Variants in ARID4B observed in about 807,000 individuals in gnomAD.
The protein encoded by ARID4B is AT-rich interactive domain-containing protein 4B.
ARID4B carries 26 observed loss-of-function variants against 147.5 expected under a neutral mutation model. That is an observed-to-expected ratio of 0.18 (90% CI 0.13 to 0.24). The LOEUF (loss-of-function observed/expected upper bound fraction) is 0.24. ARID4B is among the 10% of genes least tolerant of loss of function. ARID4B has a pLI of 1.00. For missense variants in ARID4B, 1,179 were observed against 1,511.5 expected (o/e 0.78, Z 3.65); for synonymous variants, 512 against 507.9 (o/e 1.01, Z -0.11).
intron 2 of ARID4B, among the ~76,000 whole-genome samples, chr1:235,283,389 A>C (rs1201415789): frequency 6.6e-6 from 1 of 152,230 alleles, no homozygotes; most frequent in Non-Finnish European, 1.5e-5. Context: ...TAAAATGTTG[A>C]AAAAAGATGA....
chr1:235,224,966 G>A (rs1667730482), intron 11 of ARID4B, among the ~76,000 whole-genome samples, 191 bp from the exon 12 acceptor site: 1 of 152,136 alleles, frequency 6.6e-6, no homozygotes, highest in Non-Finnish European at 1.5e-5. Flanking sequence ...TTTTATAGAG[G>A]AATATGCCTT....
chr1:235,220,028 G>T, intron 15 of ARID4B, 60 bp from the exon 16 acceptor site: 1 of 1,161,436 alleles, frequency 8.6e-7, no homozygotes, highest in Non-Finnish European at 1.2e-6. Context: ...CTATATCCAT[G>T]GTTTATCTCT....
At chr1:235,246,985 T>C (rs114118790) in intron 6 of ARID4B, among the ~76,000 whole-genome samples, 1,565 of 152,316 alleles carry the variant, frequency 0.01, 25 homozygotes, top group African/African-American at 0.033. Flanking sequence ...ACAAAAAGCC[T>C]CGGAGTAAGT....
rs1488989815 is a variant in ARID4B, at chr1:235,246,590, G to A, written c.355-79C>T. On this transcript the variant is annotated intron_variant, in intron 6 of 23. Transcript: ENST00000264183. ...TTTGTTTTAAACCAAATCAATTTAAGAATATGCTCAGATTTTGAGATTAAA... is the reference window on the plus strand; with the variant it reads ...TTTGTTTTAAACCAAATCAATTTAAAAATATGCTCAGATTTTGAGATTAAA... 5.1e-6 allele frequency: 5 copies of A among 976,456 alleles called. No homozygotes were observed. The South Asian group carries it at 7.7e-5, about 15-fold the overall frequency. The allele number at this position is 976,456 out of a possible 1,614,324, so 60.5% of individuals were successfully genotyped here. A position where few individuals can be genotyped will look rare whatever the true frequency, so the allele number is the denominator to read the frequency against.
At chr1:235,169,355 C>G (rs964949551) in intron 23 of ARID4B, among the ~76,000 whole-genome samples, 1 of 151,774 alleles carries the variant, frequency 6.6e-6, no homozygotes, top group African/African-American at 2.4e-5. Context: ...ATTCTCCTGC[C>G]TCAGCCCCCC....
chr1:235,189,348 C>T (rs1378543550), intron 19 of ARID4B, among the ~76,000 whole-genome samples: 3 of 141,284 alleles, frequency 2.1e-5, no homozygotes, highest in African/African-American at 8.0e-5. Context: ...TGCAGTGAGC[C>T]GAGATCATGC....
chr1:235,241,804 C>A (rs540772969), intron 7 of ARID4B, among the ~76,000 whole-genome samples: 1 of 149,004 alleles, frequency 6.7e-6, no homozygotes, highest in African/African-American at 2.5e-5. Flanking sequence ...GCGTGAGCCA[C>A]CCCACCTGGC....
rs72756099 is a variant in ARID4B, at chr1:235,269,483, C to T, written c.7-8731G>A. 4.4e-3 allele frequency among the ~76,000 whole-genome samples: 676 copies of T among 152,142 alleles called. 3 individuals carry two copies. Among genetic ancestry groups the T allele is most frequent in the Non-Finnish European group, 6.4e-3 (434 of 68,018 alleles). The stretch of plus-strand genomic sequence containing the variant: ...TGGAAATGAGAAAAAGTAGACAGAC[C>T]GAAGTTGAAGTTATTCTGTTCTATT... On this transcript the variant is annotated intron_variant, in intron 2 of 23. Transcript: ENST00000264183.
chr1:235,327,233 T>C (rs1361073373), intron 1 of ARID4B: 1 of 278,322 alleles, frequency 3.6e-6, no homozygotes, highest in Non-Finnish European at 6.9e-6. Context: ...ACGCCATTTC[T>C]GTCAGAGAAG....
intron 9 of ARID4B, among the ~76,000 whole-genome samples, chr1:235,234,160 A>T (rs891397104): frequency 1.3e-4 from 20 of 152,354 alleles, no homozygotes; most frequent in African/African-American, 4.8e-4. Context: ...TTATGTGGAC[A>T]AGTGTTGACA....
intron 20 of ARID4B, among the ~76,000 whole-genome samples, chr1:235,178,318 G>A (rs1301006425): frequency 3.3e-5 from 5 of 152,106 alleles, no homozygotes; most frequent in Non-Finnish European, 5.9e-5. Flanking sequence ...ATGACATTAT[G>A]TCTTATAATC....
chr1:235,325,538 G>A (rs1675168839), intron 2 of ARID4B, among the ~76,000 whole-genome samples: 2 of 151,940 alleles, frequency 1.3e-5, no homozygotes, highest in South Asian at 2.1e-4. Flanking sequence ...TTATTTATTC[G>A]GCTTCTGAAC....
At position 235,231,159 on chromosome 1, in the gene ARID4B, T is replaced by A; in HGVS notation, c.696A>T (p.Glu232Asp). 1.3e-6 allele frequency: 2 copies of A among 1,590,594 alleles called. No homozygotes were observed. The highest frequency in any genetic ancestry group is 1.7e-6 in the Non-Finnish European group (2 of 1,170,674). The change falls in exon 10 of 24, where the codon GAA becomes GAT. Residue 232 changes from glutamate to aspartate, a missense_variant. Coordinates refer to ENST00000264183, the MANE Select transcript of ARID4B (RefSeq NM_016374.6). ...GCTTTGGTGCAGTGTCACTAGTAAT[T>A]TCATGGACATCTTTTCTTGGAACTG... ...FTSVPRKDVH[E>D]ITSDTAPKPD... is the part of the protein sequence containing the mutation.
chr1:235,270,010 G>A lies in ARID4B; in HGVS notation c.7-9258C>T, dbSNP rs538481407. 5.3e-5 allele frequency among the ~76,000 whole-genome samples: 8 copies of A among 152,156 alleles called. No individual in the cohort carries two copies. The South Asian group carries it at 1.2e-3, about 24-fold the overall frequency. On this transcript the variant is annotated intron_variant, in intron 2 of 23. Coordinates refer to ENST00000264183, the MANE Select transcript of ARID4B (RefSeq NM_016374.6). ...TTTTAAAACTCAACGCCAGCCGGGCGCGGTGCCTCACGCCTGTAATCCAAG... is the reference window on the plus strand; with the variant it reads ...TTTTAAAACTCAACGCCAGCCGGGCACGGTGCCTCACGCCTGTAATCCAAG...
chr1:235,210,998 T>C (rs966950359), intron 17 of ARID4B, among the ~76,000 whole-genome samples: 3 of 152,236 alleles, frequency 2.0e-5, no homozygotes, highest in African/African-American at 7.2e-5. Context: ...ACTCAGTTCT[T>C]ATATCTACTA....
intron 7 of ARID4B, 31 bp from the exon 8 acceptor site, chr1:235,240,482 T>C (rs1447321676): frequency 6.3e-7 from 1 of 1,595,038 alleles, no homozygotes; most frequent in Non-Finnish European, 8.6e-7. Context: ...AATATTTCCA[T>C]TTATCCTCAC....
At chr1:235,230,541 C>A (rs1668135532) in intron 10 of ARID4B, among the ~76,000 whole-genome samples, 1 of 146,582 alleles carries the variant, frequency 6.8e-6, no homozygotes, top group Non-Finnish European at 1.5e-5. Context: ...ATAGTAACAG[C>A]TGACTACACA....
At chr1:235,282,232 TTAA>T (rs1251022579) in intron 2 of ARID4B, among the ~76,000 whole-genome samples, 1 of 152,200 alleles carries the variant, frequency 6.6e-6, no homozygotes, top group African/African-American at 2.4e-5. Flanking sequence ...ACAGTTTTGT[TTAA>T]TTATATCCTC....
At chr1:235,270,636 AATTGGGAGAGAC>A in intron 2 of ARID4B, among the ~76,000 whole-genome samples, 1 of 152,358 alleles carries the variant, frequency 6.6e-6, no homozygotes, top group Non-Finnish European at 1.5e-5. Context: ...GCAAGAGAGA[AATTGGGAGAGAC>A]ATTATTAAAA....
Sources: gnomAD v4.1 joint callset for allele counts (sites outside exome capture counted in the v4.1 genomes callset) on GRCh38, gnomAD v4.1.1 for gene constraint, MANE v1.5 for transcripts, NCBI Gene and HGNC (gene_info 2026-07-23, HGNC 2026-07-21) for gene names.